RNF212B: variants seen among roughly 807,000 people sequenced by gnomAD.
RNF212B encodes the protein ring finger protein 212B, also known as E3 ubiquitin-protein ligase RNF212B.
In RNF212B, 52 loss-of-function variants were observed where a neutral mutation model predicts 55.5. The observed-to-expected ratio is 0.94, with a 90% CI of 0.75 to 1.18. The LOEUF is 1.18. RNF212B is among the 50% of genes most tolerant of loss of function. The pLI is 0.00. For synonymous variants in RNF212B, 99 were observed against 121.4 expected, an observed-to-expected ratio of 0.82 and a Z score of 1.21; for missense variants, 289 against 350.4, an observed-to-expected ratio of 0.82 and a Z score of 1.40.
chr14:23,232,856 G>T (rs560215188), intron 2 of RNF212B, among the ~76,000 whole-genome samples: 1,330 of 125,644 alleles, frequency 0.011, 19 homozygotes, highest in African/African-American at 0.032. Flanking sequence ...CAGCTGCCCC[G>T]TCTGGGAAGT....
At chr14:23,190,713 C>T (rs185658714) in intron 1 of RNF212B, among the ~76,000 whole-genome samples, 9 of 152,192 alleles carry the variant, frequency 5.9e-5, no homozygotes, top group African/African-American at 9.6e-5. Context: ...ATTCTCTACA[C>T]GGCAGCCAGA....
At chr14:23,186,317 T>A (rs1000349060) in intron 1 of RNF212B, among the ~76,000 whole-genome samples, 4 of 150,312 alleles carry the variant, frequency 2.7e-5, no homozygotes, top group African/African-American at 9.7e-5. Flanking sequence ...TGTAAAAAAT[T>A]ACAAACTAAT....
chr14:23,229,261 T>TATATATATATATATAC lies in RNF212B; in HGVS notation c.-1-11083_-1-11082insTATATATATATATACA, dbSNP rs558232357. 2.2e-4 allele frequency among the ~76,000 whole-genome samples: 28 copies of TATATATATATATATAC among 127,210 alleles called. 1 individual carries two copies. Among genetic ancestry groups the TATATATATATATATAC allele is most frequent in the Non-Finnish European group, 1.0e-4 (6 of 60,262 alleles). 83.5% of individuals were successfully genotyped at this position (127,210 alleles called of 152,430 possible). ...ATATATATATATATATATATATATA[T>TATATATATATATATAC]ACCACATTGTTTATCCATTCATCTA... On this transcript the variant is annotated intron_variant, in intron 2 of 15. Coordinates refer to the RNF212B transcript ENST00000399910.
chr14:23,198,544 C>G (rs7152378), intron 2 of RNF212B, among the ~76,000 whole-genome samples: 5,669 of 151,916 alleles, frequency 0.037, 266 homozygotes, highest in African/African-American at 0.11. Context: ...GGCGTGGTGG[C>G]GGGTACCTGT....
intron 2 of RNF212B, among the ~76,000 whole-genome samples, chr14:23,202,676 C>G (rs1014836571): frequency 6.6e-6 from 1 of 151,968 alleles, no homozygotes; most frequent in East Asian, 1.9e-4. Flanking sequence ...ACGGTGAAAC[C>G]CTGTCTCTAC....
chr14:23,228,506 T>C (rs1882244132), intron 2 of RNF212B, among the ~76,000 whole-genome samples: 1 of 146,370 alleles, frequency 6.8e-6, no homozygotes, highest in Admixed American at 6.9e-5. Context: ...TGTGGTGGCA[T>C]GTGCCTGTAG....
chr14:23,265,995 G>T (rs1426640870), intron 11 of RNF212B, among the ~76,000 whole-genome samples: 3 of 150,324 alleles, frequency 2.0e-5, no homozygotes, highest in Admixed American at 1.3e-4. Context: ...GTTTTTTTTT[G>T]AGATGGGGTC....
chr14:23,234,588 C>T (rs1216290210), upstream of RNF212B, among the ~76,000 whole-genome samples: 2 of 152,204 alleles, frequency 1.3e-5, no homozygotes, highest in South Asian at 2.1e-4. Context: ...CCCATGCACA[C>T]TTACCAATTA....
intron 10 of RNF212B, 80 bp from the exon 11 acceptor site, chr14:23,264,543 T>C: frequency 3.1e-6 from 3 of 974,510 alleles, no homozygotes; most frequent in Non-Finnish European, 4.3e-6. Flanking sequence ...CTTGAATGTG[T>C]AGCTATAGAT....
At chr14:23,210,297 T>C (rs957768844) in intron 2 of RNF212B, among the ~76,000 whole-genome samples, 3 of 152,120 alleles carry the variant, frequency 2.0e-5, no homozygotes, top group African/African-American at 4.8e-5. Context: ...CAATGAAAGA[T>C]TGAGAAACCG....
In RNF212B at chr14:23,227,379, G is replaced by A. The variant is rs79474428; in HGVS notation, c.-1-12966G>A. ...AGCAGGACAATGGTTGCCTTTAGGG[G>A]AGATGGTGTATGGAAGCGGGCACAG... On this transcript the variant is annotated intron_variant, in intron 2 of 15. Transcript: ENST00000399910. Among the ~76,000 whole-genome samples, 678 of 152,210 alleles carry A rather than the reference G, an allele frequency of 4.5e-3. 3 individuals carry two copies. Among genetic ancestry groups the A allele is most frequent in the African/African-American group, 0.015 (625 of 41,536 alleles).
rs574737189 is a variant in RNF212B, at chr14:23,243,552, C to T, written c.153+244C>T. On this transcript the variant is annotated intron_variant, in intron 3 of 14. Transcript: ENST00000430154. The stretch of plus-strand genomic sequence containing the variant: ...CTCTACTAAAATATAAAAAATTAGC[C>T]AGGCGTGGTGGTGCGGGCCTGTAGT... Among the ~76,000 whole-genome samples the T allele has an allele frequency of 7.9e-5, 12 of 151,416 alleles. No individual in the cohort carries two copies. In the South Asian group the frequency reaches 2.3e-3, roughly 29 times the overall value.
intron 2 of RNF212B, among the ~76,000 whole-genome samples, chr14:23,196,494 C>G (rs1194281778): frequency 1.3e-5 from 2 of 152,294 alleles, no homozygotes; most frequent in Non-Finnish European, 1.5e-5. Flanking sequence ...GGCTGGAGGG[C>G]AGTGGAGTGA....
At chr14:23,235,651 C>T (rs573621021), upstream of RNF212B, among the ~76,000 whole-genome samples, 9 of 152,334 alleles carry the variant, frequency 5.9e-5, no homozygotes, top group African/African-American at 2.2e-4. Flanking sequence ...GACTCAAATA[C>T]TTACCTGATG....
At chr14:23,217,265 GC>G (rs1881184880) in intron 2 of RNF212B, among the ~76,000 whole-genome samples, 1 of 151,126 alleles carries the variant, frequency 6.6e-6, no homozygotes, top group African/African-American at 2.4e-5. Flanking sequence ...TGGGGGGGGG[GC>G]TCCTCTGCCT....
At chr14:23,189,693 C>A (rs996603002) in intron 1 of RNF212B, among the ~76,000 whole-genome samples, 1 of 151,902 alleles carries the variant, frequency 6.6e-6, no homozygotes, top group East Asian at 1.9e-4. Flanking sequence ...CCTGTAGCAC[C>A]AGCAACTCAG....
At chr14:23,262,790 A>T in intron 8 of RNF212B, 79 bp downstream of exon 8, 1 of 1,454,514 alleles carries the variant, frequency 6.9e-7, no homozygotes, top group East Asian at 2.5e-5. Context: ...CCTCTCAGAG[A>T]CAATAATGTG....
At chr14:23,253,803 T>C (rs181370219) in intron 4 of RNF212B, among the ~76,000 whole-genome samples, 73 of 152,342 alleles carry the variant, frequency 4.8e-4, no homozygotes, top group Non-Finnish European at 8.4e-4. Flanking sequence ...TATTATGGAA[T>C]GAGGGAGTTT....
intron 2 of RNF212B, among the ~76,000 whole-genome samples, chr14:23,228,137 G>A (rs1361804198): frequency 1.3e-5 from 2 of 152,012 alleles, no homozygotes; most frequent in Non-Finnish European, 2.9e-5. Context: ...GGCTGAGGCA[G>A]GAGAATTGCT....
Sources: gnomAD v4.1 joint callset for allele counts (sites outside exome capture counted in the v4.1 genomes callset) on GRCh38, gnomAD v4.1.1 for gene constraint, MANE v1.5 for transcripts, NCBI Gene and HGNC (gene_info 2026-07-23, HGNC 2026-07-21) for gene names.